The following CPXM1 variants were observed in gnomAD, a reference collection of about 807,000 sequenced individuals.
The protein encoded by CPXM1 is carboxypeptidase X, M14 family member 1.
CPXM1 carries 72 observed loss-of-function variants against 80.4 expected under a neutral mutation model. The observed-to-expected ratio is 0.90, with a 90% CI of 0.74 to 1.09. CPXM1 has a LOEUF of 1.09. Among genes scored for constraint, CPXM1 ranks in the 50% least tolerant of loss-of-function variants. CPXM1 has a pLI of 0.00. For missense variants in CPXM1, 892 were observed against 999.4 expected, an observed-to-expected ratio of 0.89 and a Z score of 1.45; for synonymous variants, 403 against 405.6, an observed-to-expected ratio of 0.99 and a Z score of 0.08.
rs2088537952 is a variant in CPXM1 at position 2,798,813 on chromosome 20, T to A, written c.253A>T (p.Thr85Ser). The A allele has an allele frequency of 6.2e-7, 1 of 1,613,458 alleles. No individual in the cohort carries two copies. Among genetic ancestry groups the A allele is most frequent in the African/African-American group, 1.3e-5 (1 of 74,724 alleles). ...IMKKRKKLTL[T>S]RPTPLVTAGP... ...GCAGTCACCAGTGGGGTGGGGCGAGTTAGAGTTAGCTTCTTCCGCTTCTTC... is the reference window on the plus strand; with the variant it reads ...GCAGTCACCAGTGGGGTGGGGCGAGATAGAGTTAGCTTCTTCCGCTTCTTC... Residue 85 changes from threonine to serine, a missense_variant, in exon 2 of 14, where the codon ACT becomes TCT. Physicochemically the swap from Thr to Ser is moderately conservative, Grantham distance 58 (BLOSUM62 1). Coordinates refer to ENST00000380605, the MANE Select transcript of CPXM1 (RefSeq NM_019609.5).
In CPXM1 at chr20:2,796,365, T is replaced by G; in HGVS notation, c.1124A>C (p.Gln375Pro). ...TCGCAGGAACTCATGGCACAGGAAC[T>G]GCATCAGGAGCAGAAGCAACTCCCG... Reference protein sequence around the residue: ...LGRELLLLLMQFLCHEFLRGN... With the variant: ...LGRELLLLLMPFLCHEFLRGN... The change falls in exon 9 of 14, where the codon CAG becomes CCG. Residue 375 changes from glutamine to proline, a missense_variant. Transcript: ENST00000380605. The surrounding 1 kb of genome is among the most constrained non-coding windows in gnomAD (Gnocchi z 6.8). The G allele has an allele frequency of 1.2e-6, 2 of 1,614,078 alleles. No homozygotes were observed. Among genetic ancestry groups the G allele is most frequent in the Non-Finnish European group, 1.7e-6 (2 of 1,179,984 alleles).
rs758525497 is a variant in CPXM1, at chr20:2,798,872, C to A, written c.194G>T (p.Arg65Leu). ...CTTTTTCTTCTTGATGACTCGAATC[C>A]GGACATGCTGTTCTGAGGTCCCTTG... ...TANGTSEQHV[R>L]IRVIKKKKVI... Residue 65 changes from arginine (R) to leucine (L), a missense_variant, in exon 2 of 14, where the codon CGG (arginine) becomes CTG (leucine). Around this residue, in one of 2 missense-constraint regions of CPXM1, gnomAD observed 874 missense variants for 958.4 expected, o/e 0.91. Transcript: ENST00000380605. 1.9e-6 allele frequency: 3 copies of A among 1,614,032 alleles called. No individual in the cohort carries two copies. In the Admixed American group the frequency reaches 5.0e-5, roughly 27 times the overall value.
At position 2,800,484 on chromosome 20, in the gene CPXM1, G is replaced by A. The variant is rs2088559980; in HGVS notation, c.89C>T (p.Ala30Val). Residue 30 changes from alanine (A) to valine (V), a missense_variant, in exon 1 of 14, where the codon GCG becomes GTG. By Grantham distance (64) the Ala-to-Val change is moderately conservative. Around this residue, in one of 2 missense-constraint regions of CPXM1, gnomAD observed 874 missense variants for 958.4 expected, o/e 0.91. Transcript: ENST00000380605. The stretch of plus-strand genomic sequence containing the variant: ...TGGGACCTTGGTGGTCCCGGGCTGC[G>A]CGAGGCCCAGCACCGAGTTCCTGGG... The part of the protein sequence containing the change: ...GAPRNSVLGL[A>V]QPGTTKVPGS... 2.1e-6 allele frequency: 3 copies of A among 1,433,396 alleles called. No individual in the cohort carries two copies. Among genetic ancestry groups the A allele is most frequent in the African/African-American group, 3.0e-5 (2 of 66,984 alleles). The allele number at this position is 1,433,396 out of a possible 1,614,324, so 88.8% of individuals were successfully genotyped here.
In CPXM1 at chr20:2,797,315, T is replaced by C. The variant is rs374382498; in HGVS notation, c.709A>G (p.Thr237Ala). The C allele has an allele frequency of 3.9e-6, 6 of 1,531,632 alleles. No homozygotes were observed. The African/African-American group carries it at 8.2e-5, about 21-fold the overall frequency. 94.9% of individuals were successfully genotyped at this position (1,531,632 alleles called of 1,614,324 possible). Residue 237 changes from threonine (T) to alanine (A), a missense_variant, in exon 6 of 14, where the codon ACT (threonine) becomes GCT (alanine). Around this residue, in one of 2 missense-constraint regions of CPXM1, gnomAD observed 874 missense variants for 958.4 expected, o/e 0.91. Coordinates refer to ENST00000380605, the MANE Select transcript of CPXM1 (RefSeq NM_019609.5). Reference protein sequence around the residue: ...AVFPANSDPETPVLNLLPEPQ... With the variant: ...AVFPANSDPEAPVLNLLPEPQ... The stretch of plus-strand genomic sequence containing the variant: ...TCCGGCAGGAGGTTCAGCACTGGAG[T>C]TTCTGGGTCTGAATTGGCAGGAAAT...
chr20:2,796,152 G>A lies in CPXM1; in HGVS notation c.1252C>T (p.Leu418=). 1.9e-6 allele frequency: 3 copies of A among 1,610,666 alleles called. No homozygotes were observed. Among genetic ancestry groups the A allele is most frequent in the African/African-American group, 1.3e-5 (1 of 75,026 alleles). Residue 418 remains leucine (L), a synonymous_variant, in exon 10 of 14, where the codon CTG becomes TTG. Coordinates refer to ENST00000380605, the MANE Select transcript of CPXM1 (RefSeq NM_019609.5). This position sits in a 1 kb window ranked among gnomAD's most constrained non-coding sequence, Gnocchi z 6.8. Reference sequence around the variant, plus strand: ...CAGCGGCCCTCGGCCCAGCCCACCAGCTCTGAACCCTGCCGGGCAAGAGGC... The same window carrying A: ...CAGCGGCCCTCGGCCCAGCCCACCAACTCTGAACCCTGCCGGGCAAGAGGC... ...YEIAYHRGSE[L]VGWAEGRWNN...
chr20:2,797,819 G>A, intron 5 of CPXM1, 149 bp downstream of exon 5: 4 of 681,972 alleles, frequency 5.9e-6, no homozygotes, highest in Non-Finnish European at 7.5e-6. Flanking sequence ...AATGGTGCCT[G>A]CCGTGTGCCA....
Position 2,796,501 on chromosome 20 carries a change from C to A in CPXM1, c.1045+26G>T, listed in dbSNP as rs375803414. The A allele has an allele frequency of 7.6e-5, 122 of 1,613,532 alleles. No homozygotes were observed. The highest frequency in any genetic ancestry group is 1.6e-4 in the Middle Eastern group (1 of 6,084). On this transcript the variant is annotated intron_variant, in intron 8 of 13. Coordinates refer to ENST00000380605, the MANE Select transcript of CPXM1 (RefSeq NM_019609.5). This position sits in a 1 kb window ranked among gnomAD's most constrained non-coding sequence, Gnocchi z 6.8. Reference sequence around the variant, plus strand: ...TGCCTGGGGCCCTGCCCTGTGCCTACCTCTCCCCACTCCCCATGCCAGTAC... The same window carrying A: ...TGCCTGGGGCCCTGCCCTGTGCCTAACTCTCCCCACTCCCCATGCCAGTAC...
intron 1 of CPXM1, 140 bp downstream of exon 1, chr20:2,800,260 TG>T (rs2088556144): frequency 1.4e-6 from 1 of 732,100 alleles, no homozygotes; most frequent in African/African-American, 1.9e-5. Context: ...TGAGTGCGAG[TG>T]TGCGTGCGGG....
intron 1 of CPXM1, 80 bp from the exon 2 acceptor site, chr20:2,798,973 A>G: frequency 6.9e-7 from 1 of 1,452,820 alleles, no homozygotes; most frequent in South Asian, 1.3e-5. Flanking sequence ...GCCCAAGAAG[A>G]CATGTGAGCC....
chr20:2,799,291 C>T (rs1204790231), intron 1 of CPXM1, among the ~76,000 whole-genome samples: 2 of 152,198 alleles, frequency 1.3e-5, no homozygotes, highest in African/African-American at 4.8e-5. Context: ...CCCATTCTTC[C>T]TTTGCATCTC....
In CPXM1 at chr20:2,794,131, C is replaced by T. The variant is rs1246050697; in HGVS notation, c.*59G>A. On this transcript the variant is annotated 3_prime_UTR_variant, in exon 14 of 14. Transcript: ENST00000380605. The surrounding 1 kb of genome is among the most constrained non-coding windows in gnomAD (Gnocchi z 5.2). ...TCCTCACTTTGTCCCTCCCTCTCTA[C>T]TCTTCCCCTTCCCGTCTTGACAGGT... 4 of 1,542,520 alleles carry T rather than the reference C, an allele frequency of 2.6e-6. No individual in the cohort carries two copies. The highest frequency in any genetic ancestry group is 2.5e-5 in the South Asian group (2 of 79,016).
chr20:2,794,146 T>A lies in CPXM1; in HGVS notation c.*44A>T. 6.4e-7 allele frequency: 1 copy of A among 1,559,244 alleles called. No individual in the cohort carries two copies. Among genetic ancestry groups the A allele is most frequent in the Non-Finnish European group, 8.7e-7 (1 of 1,153,298 alleles). Reference sequence around the variant, plus strand: ...TCCCTCTCTACTCTTCCCCTTCCCGTCTTGACAGGTCCAGCCTGCCCTAGG... The same window carrying A: ...TCCCTCTCTACTCTTCCCCTTCCCGACTTGACAGGTCCAGCCTGCCCTAGG... On this transcript the variant is annotated 3_prime_UTR_variant, in exon 14 of 14. Transcript: ENST00000380605. This position sits in a 1 kb window ranked among gnomAD's most constrained non-coding sequence, Gnocchi z 5.2.
At chr20:2,798,394 C>A in intron 3 of CPXM1, 34 bp downstream of exon 3, 1 of 1,606,512 alleles carries the variant, frequency 6.2e-7, no homozygotes, top group Non-Finnish European at 8.5e-7. Flanking sequence ...CCTTCCCTAC[C>A]CTGAGACCAT....
Position 2,796,762 on chromosome 20 carries a change from C to A in CPXM1, c.922-112G>T. 1 of 1,441,592 alleles carries A rather than the reference C, an allele frequency of 6.9e-7. No homozygotes were observed. The highest frequency in any genetic ancestry group is 1.3e-5 in the South Asian group (1 of 77,202). 89.3% of individuals were successfully genotyped at this position (1,441,592 alleles called of 1,614,324 possible). On this transcript the variant is annotated intron_variant, in intron 7 of 13. Coordinates refer to ENST00000380605, the MANE Select transcript of CPXM1 (RefSeq NM_019609.5). The surrounding 1 kb of genome is among the most constrained non-coding windows in gnomAD (Gnocchi z 6.8). ...TCAGCGATGGCCCACACAGAGGGGG[C>A]ATCCCATCATGGTACAGGAGGGGAG...
rs1293920097 is a variant in CPXM1 at position 2,796,282 on chromosome 20, T to C, written c.1207A>G (p.Met403Val). The change falls in exon 9 of 14, where the codon ATG becomes GTG. Residue 403 changes from methionine (M) to valine (V), a missense_variant. Around this residue, in one of 2 missense-constraint regions of CPXM1, gnomAD observed 874 missense variants for 958.4 expected, o/e 0.91. Coordinates refer to ENST00000380605, the MANE Select transcript of CPXM1 (RefSeq NM_019609.5). The surrounding 1 kb of genome is among the most constrained non-coding windows in gnomAD (Gnocchi z 6.8). ...GCGATCTCATAGCCATCAGGGTTCA[T>C]GGAGGGCAGCAGGTGAATGCGCATC... ...SEMRIHLLPS[M>V]NPDGYEIAYH... is the part of the protein sequence containing the mutation. 4 of 1,613,718 alleles carry C rather than the reference T, an allele frequency of 2.5e-6. No homozygotes were observed. The highest frequency in any genetic ancestry group is 1.1e-5 in the South Asian group (1 of 91,082).
chr20:2,794,424 G>T lies in CPXM1; in HGVS notation c.1971C>A (p.Gly657=). 6.2e-7 allele frequency: 1 copy of T among 1,613,912 alleles called. No homozygotes were observed. The highest frequency in any genetic ancestry group is 8.5e-7 in the Non-Finnish European group (1 of 1,179,884). Residue 657 remains glycine, a synonymous_variant, in exon 14 of 14, where the codon GGC becomes GGA. Coordinates refer to ENST00000380605, the MANE Select transcript of CPXM1 (RefSeq NM_019609.5). The surrounding 1 kb of genome is among the most constrained non-coding windows in gnomAD (Gnocchi z 5.2). ...GINHDVTTAW[G]GDYWRLLTPG... ...GGGTCAGCAGACGCCAATAATCCCC[G>T]CCCCACGCTGAGGAGAGTGAAGGGC... is the stretch of plus-strand genomic sequence containing the variant.
chr20:2,795,738 A>T lies in CPXM1; in HGVS notation c.1581T>A (p.Ala527=). ...AGACAGTGCTGAGCCAGCGAAACACAGCATCATCTGGTGTGGGCGTGAGCT... is the reference window on the plus strand; with the variant it reads ...AGACAGTGCTGAGCCAGCGAAACACTGCATCATCTGGTGTGGGCGTGAGCT... ...ARELTPTPDD[A]VFRWLSTVYA... The change falls in exon 11 of 14, where the codon GCT becomes GCA. Residue 527 remains alanine, a synonymous_variant. Coordinates refer to ENST00000380605, the MANE Select transcript of CPXM1 (RefSeq NM_019609.5). The surrounding 1 kb of genome is among the most constrained non-coding windows in gnomAD (Gnocchi z 5.4). The T allele has an allele frequency of 6.2e-7, 1 of 1,613,916 alleles. No individual in the cohort carries two copies. The highest frequency in any genetic ancestry group is 8.5e-7 in the Non-Finnish European group (1 of 1,180,032).
intron 4 of CPXM1, 29 bp from the exon 5 acceptor site, chr20:2,798,087 G>A (rs755316012): frequency 3.3e-5 from 53 of 1,613,698 alleles, no homozygotes; most frequent in East Asian, 1.3e-4. Context: ...AGAGATCATC[G>A]GTGCCCCCAG....
chr20:2,797,487 AC>A, intron 5 of CPXM1, 145 bp from the exon 6 acceptor site: 1 of 912,624 alleles, frequency 1.1e-6, no homozygotes, highest in Non-Finnish European at 1.6e-6. Context: ...TCAAACACAG[AC>A]CCCGGCCCAC....
Sources: allele counts gnomAD v4.1 joint callset (sites outside exome capture counted in the v4.1 genomes callset), GRCh38; gene constraint gnomAD v4.1.1; regional missense constraint gnomAD v4.1.1; non-coding constraint Gnocchi (gnomAD v3.1); transcripts MANE v1.5; gene names NCBI Gene and HGNC (gene_info 2026-07-23, HGNC 2026-07-21).